SLC16A7: variants seen among roughly 807,000 people sequenced by gnomAD.
SLC16A7 encodes the protein solute carrier family 16 member 7.
A neutral mutation model predicts 34.9 loss-of-function variants in SLC16A7; 33 were observed. The ratio of observed to expected loss-of-function variants is 0.94; its 90% CI spans 0.72 to 1.26. SLC16A7 has a LOEUF of 1.26. SLC16A7 is among the 50% of genes most tolerant of loss of function. The pLI is 0.00. For missense variants in SLC16A7, 573 were observed against 578.1 expected, an observed-to-expected ratio of 0.99 and a Z score of 0.09; for synonymous variants, 201 against 206.6, an observed-to-expected ratio of 0.97 and a Z score of 0.23.
At chr12:59,777,291 C>T (rs1882853574) in intron 5 of SLC16A7, among the ~76,000 whole-genome samples, 1 of 152,148 alleles carries the variant, frequency 6.6e-6, no homozygotes, top group African/African-American at 2.4e-5. Flanking sequence ...CCATGTCTGC[C>T]ATCTGCTACC....
At chr12:59,719,533 A>C (rs1014571844) in intron 3 of SLC16A7, among the ~76,000 whole-genome samples, 9 of 152,296 alleles carry the variant, frequency 5.9e-5, no homozygotes, top group African/African-American at 2.2e-4. Context: ...GTAATAAATA[A>C]ACTTTAGATA....
At chr12:59,599,456 A>G (rs1268629611) in intron 1 of SLC16A7, among the ~76,000 whole-genome samples, 2 of 152,226 alleles carry the variant, frequency 1.3e-5, no homozygotes, top group Non-Finnish European at 2.9e-5. Context: ...CATGAAGTGC[A>G]AACATCAAAG....
At chr12:59,730,198 T>C (rs918369141) in intron 3 of SLC16A7, among the ~76,000 whole-genome samples, 3 of 121,964 alleles carry the variant, frequency 2.5e-5, no homozygotes, top group African/African-American at 1.0e-4. Context: ...TTCTTTAGGA[T>C]TCCCAATACA....
intron 3 of SLC16A7, among the ~76,000 whole-genome samples, chr12:59,767,213 A>C (rs974727132): frequency 3.3e-5 from 5 of 151,484 alleles, no homozygotes; most frequent in Non-Finnish European, 5.9e-5. Context: ...CATGAGGTTT[A>C]AGGAAAGAAG....
intron 1 of SLC16A7, among the ~76,000 whole-genome samples, chr12:59,609,392 G>A (rs1879089835): frequency 6.6e-6 from 1 of 152,172 alleles, no homozygotes; most frequent in Non-Finnish European, 1.5e-5. Context: ...ACTCAGGGAA[G>A]GGACCTGCAG....
At chr12:59,691,477 A>C (rs955821151) in intron 2 of SLC16A7, among the ~76,000 whole-genome samples, 1 of 152,050 alleles carries the variant, frequency 6.6e-6, no homozygotes, top group Non-Finnish European at 1.5e-5. Flanking sequence ...AGTCAAGAAC[A>C]AAATTACTTT....
chr12:59,771,422 G>T, intron 4 of SLC16A7, 60 bp downstream of exon 4: 1 of 1,182,948 alleles, frequency 8.5e-7, no homozygotes, highest in Non-Finnish European at 1.1e-6. Context: ...AGCTCTATGA[G>T]AAGAATGAAC....
chr12:59,753,201 C>G (rs535447875), intron 3 of SLC16A7, among the ~76,000 whole-genome samples: 1 of 152,082 alleles, frequency 6.6e-6, no homozygotes. Context: ...CATCAACTAA[C>G]GAGCAAAATA....
intron 1 of SLC16A7, among the ~76,000 whole-genome samples, chr12:59,618,891 C>T (rs1879575319): frequency 6.6e-6 from 1 of 151,900 alleles, no homozygotes; most frequent in African/African-American, 2.4e-5. Context: ...TTATGTTTTA[C>T]TTGGCAATTG....
chr12:59,636,301 A>C (rs1880422634), intron 1 of SLC16A7, among the ~76,000 whole-genome samples: 1 of 152,106 alleles, frequency 6.6e-6, no homozygotes, highest in Admixed American at 6.6e-5. Flanking sequence ...AATGTAGAAA[A>C]TTTTCATCAT....
intron 3 of SLC16A7, among the ~76,000 whole-genome samples, chr12:59,759,885 T>G (rs1880819980): frequency 6.6e-6 from 1 of 152,088 alleles, no homozygotes; most frequent in African/African-American, 2.4e-5. Context: ...AATATTAGCA[T>G]GACATTTTAA....
At chr12:59,752,641 A>G (rs1879723004) in intron 3 of SLC16A7, among the ~76,000 whole-genome samples, 1 of 152,150 alleles carries the variant, frequency 6.6e-6, no homozygotes, top group African/African-American at 2.4e-5. Flanking sequence ...GGTGTACCTG[A>G]AAGTGACAGA....
chr12:59,631,581 G>A (rs1158523874), intron 1 of SLC16A7, among the ~76,000 whole-genome samples: 2 of 152,002 alleles, frequency 1.3e-5, no homozygotes, highest in African/African-American at 2.4e-5. Flanking sequence ...TGTGCAGGAT[G>A]TGCAAATTTG....
At chr12:59,748,352 A>T (rs1183188942) in intron 3 of SLC16A7, among the ~76,000 whole-genome samples, 1 of 152,194 alleles carries the variant, frequency 6.6e-6, no homozygotes, top group Non-Finnish European at 1.5e-5. Context: ...TAACTGTAAT[A>T]CATACTGTAC....
intron 1 of SLC16A7, among the ~76,000 whole-genome samples, chr12:59,606,000 T>C (rs1451454305): frequency 1.3e-5 from 2 of 152,182 alleles, no homozygotes; most frequent in Non-Finnish European, 2.9e-5. Context: ...AGTCAATAAA[T>C]GATAATCATC....
intron 2 of SLC16A7, among the ~76,000 whole-genome samples, chr12:59,668,885 A>G (rs902305871): frequency 2.6e-5 from 4 of 152,154 alleles, no homozygotes; most frequent in African/African-American, 4.8e-5. Context: ...TAAGTCTCAC[A>G]AGGTCTGATG....
chr12:59,755,893 T>G (rs192235894), intron 3 of SLC16A7, among the ~76,000 whole-genome samples: 434 of 152,300 alleles, frequency 2.8e-3, no homozygotes, highest in African/African-American at 0.01. Context: ...AGCATGGTAC[T>G]GGTACCAAAA....
At chr12:59,655,064 T>C (rs1229319912) in intron 1 of SLC16A7, 88 bp from the exon 2 acceptor site, 1 of 152,028 alleles carries the variant, frequency 6.6e-6, no homozygotes, top group Non-Finnish European at 1.5e-5. Context: ...TTATTAAGTC[T>C]TTCAGATATG....
At chr12:59,602,170 A>C (rs1175568402) in intron 1 of SLC16A7, among the ~76,000 whole-genome samples, 2 of 152,296 alleles carry the variant, frequency 1.3e-5, no homozygotes, top group African/African-American at 2.4e-5. Flanking sequence ...CCTTTCATTA[A>C]AGGATGAAAA....
Sources: gnomAD v4.1 joint callset for allele counts (sites outside exome capture counted in the v4.1 genomes callset) on GRCh38, gnomAD v4.1.1 for gene constraint, MANE v1.5 for transcripts, NCBI Gene and HGNC (gene_info 2026-07-23, HGNC 2026-07-21) for gene names.